Variants in PRKN observed in about 807,000 individuals in gnomAD.
The protein encoded by PRKN is parkin RBR E3 ubiquitin protein ligase.
In PRKN, 56 loss-of-function variants were observed where a neutral mutation model predicts 59.5. The ratio of observed to expected loss-of-function variants is 0.94; its 90% CI spans 0.76 to 1.18. The LOEUF is 1.18. PRKN is among the 50% of genes most tolerant of loss of function. PRKN has a pLI of 0.00. For missense variants in PRKN, 657 were observed against 596.4 expected (o/e 1.10, Z -1.06); for synonymous variants, 250 against 222.1 (o/e 1.13, Z -1.12).
chr6:161,680,390 C>T (rs1474762896), intron 7 of PRKN, among the ~76,000 whole-genome samples: 3 of 151,998 alleles, frequency 2.0e-5, no homozygotes, highest in Non-Finnish European at 4.4e-5. Flanking sequence ...CCTTGCAGTA[C>T]GGGGCAGCGT....
intron 1 of PRKN, among the ~76,000 whole-genome samples, chr6:162,565,216 A>G (rs1280934011): frequency 6.6e-6 from 1 of 152,218 alleles, no homozygotes; most frequent in Admixed American, 6.5e-5. Flanking sequence ...ATAATATCAA[A>G]CCAAAACAAC....
chr6:161,801,622 T>C (rs1791082972), intron 6 of PRKN, among the ~76,000 whole-genome samples: 1 of 152,234 alleles, frequency 6.6e-6, no homozygotes, highest in African/African-American at 2.4e-5. Context: ...TCAGCCACTT[T>C]TACCTGTGGC....
intron 6 of PRKN, among the ~76,000 whole-genome samples, chr6:161,786,903 A>G (rs1790442516): frequency 1.4e-5 from 1 of 72,958 alleles, no homozygotes; most frequent in Non-Finnish European, 3.6e-5. Context: ...CCTTTAAAAT[A>G]CTCTGTAGAA....
chr6:162,498,392 C>CTTTTTT (rs1562332523), intron 1 of PRKN, among the ~76,000 whole-genome samples: 4 of 39,336 alleles, frequency 1.0e-4, no homozygotes, highest in African/African-American at 1.6e-4. Flanking sequence ...TTCTTTCTTT[C>CTTTTTT]CTTTTTTTTT....
chr6:161,654,664 C>G (rs1490698369), intron 7 of PRKN, among the ~76,000 whole-genome samples: 1 of 152,178 alleles, frequency 6.6e-6, no homozygotes, highest in Non-Finnish European at 1.5e-5. Context: ...AAACCTCAGG[C>G]CTACTGTGTG....
chr6:161,403,627 C>T lies in PRKN; in HGVS notation c.1084-16750G>A, dbSNP rs1295418165. ...GAGAATCACTCTCTGGAGAGCCACG[C>T]TTTTATCCTCTGCTCCTCAGCCTAT... is the stretch of plus-strand genomic sequence containing the variant. On this transcript the variant is annotated intron_variant, in intron 9 of 11. Transcript: ENST00000366898. Among the ~76,000 whole-genome samples the T allele has an allele frequency of 2.6e-5, 4 of 152,190 alleles. No individual in the cohort carries two copies. The South Asian group carries it at 8.3e-4, about 32-fold the overall frequency.
At chr6:162,666,557 T>C (rs1480127137) in intron 1 of PRKN, among the ~76,000 whole-genome samples, 1 of 152,062 alleles carries the variant, frequency 6.6e-6, no homozygotes, top group Admixed American at 6.6e-5. Flanking sequence ...AGAACATAAA[T>C]TCAGGAGGTG....
intron 7 of PRKN, among the ~76,000 whole-genome samples, chr6:161,721,712 C>T (rs1043874705): frequency 1.3e-5 from 2 of 152,106 alleles, no homozygotes; most frequent in African/African-American, 4.8e-5. Flanking sequence ...GCCACGCCAC[C>T]CACCGTGATC....
chr6:162,292,096 T>A (rs78015719), intron 2 of PRKN, among the ~76,000 whole-genome samples: 1 of 151,792 alleles, frequency 6.6e-6, no homozygotes, highest in Admixed American at 6.6e-5. Flanking sequence ...CCTGAGTAAC[T>A]GGGACTACAG....
At chr6:162,530,646 CGTCTTATGAAGTCCAA>C (rs71713466) in intron 1 of PRKN, among the ~76,000 whole-genome samples, 4,067 of 152,230 alleles carry the variant, frequency 0.027, 125 homozygotes, top group Middle Eastern at 0.041. Flanking sequence ...CACTGGAAAG[CGTCTTATGAAGTCCAA>C]GTCATGCATG....
At chr6:162,314,142 A>C (rs983362705) in intron 2 of PRKN, among the ~76,000 whole-genome samples, 8 of 152,202 alleles carry the variant, frequency 5.3e-5, no homozygotes, top group Non-Finnish European at 1.0e-4. Flanking sequence ...TCCCATGCAG[A>C]ATTAATCTGG....
At chr6:161,432,085 G>C (rs1583059126) in intron 9 of PRKN, among the ~76,000 whole-genome samples, 1 of 152,250 alleles carries the variant, frequency 6.6e-6, no homozygotes, top group South Asian at 2.1e-4. Flanking sequence ...ACCCACCAAA[G>C]GACTCCAGGC....
intron 1 of PRKN, chr6:162,571,266 A>G: frequency 6.6e-6 from 1 of 152,090 alleles, no homozygotes; most frequent in South Asian, 2.1e-4. Flanking sequence ...CAGAGGTTGC[A>G]GTGAGCCGAG....
intron 6 of PRKN, among the ~76,000 whole-genome samples, chr6:161,838,747 G>A (rs982507240): frequency 3.3e-5 from 5 of 152,190 alleles, no homozygotes; most frequent in African/African-American, 1.2e-4. Flanking sequence ...ACAAGCATGC[G>A]GCCCTGGGGA....
At chr6:161,859,567 T>C (rs915741851) in intron 6 of PRKN, among the ~76,000 whole-genome samples, 15 of 138,188 alleles carry the variant, frequency 1.1e-4, no homozygotes, top group Admixed American at 9.7e-4. Context: ...GTTGAGATCA[T>C]GCCAGTGTAC....
chr6:162,518,787 C>A (rs77496358), intron 1 of PRKN, among the ~76,000 whole-genome samples: 3 of 152,120 alleles, frequency 2.0e-5, no homozygotes, highest in Non-Finnish European at 4.4e-5. Context: ...CTAGAAAACA[C>A]AGCTACATAA....
At chr6:162,390,912 A>G (rs1583489323) in intron 2 of PRKN, among the ~76,000 whole-genome samples, 4 of 152,326 alleles carry the variant, frequency 2.6e-5, no homozygotes, top group African/African-American at 7.2e-5. Flanking sequence ...GGGGAAGAAG[A>G]AATAATAGAG....
chr6:162,712,054 T>C (rs1778557731), intron 1 of PRKN, among the ~76,000 whole-genome samples: 2 of 152,188 alleles, frequency 1.3e-5, no homozygotes, highest in African/African-American at 4.8e-5. Flanking sequence ...CCTAATTAAA[T>C]GCTGGTATGA....
At chr6:161,365,508 C>T (rs1785164167) in intron 10 of PRKN, among the ~76,000 whole-genome samples, 1 of 152,198 alleles carries the variant, frequency 6.6e-6, no homozygotes. Context: ...AAGAAACCTC[C>T]TGCCTGTCAA....
Sources: gnomAD v4.1 joint callset for allele counts (sites outside exome capture counted in the v4.1 genomes callset) on GRCh38, gnomAD v4.1.1 for gene constraint, MANE v1.5 for transcripts, NCBI Gene and HGNC (gene_info 2026-07-23, HGNC 2026-07-21) for gene names.